The following TUT4 variants were observed in gnomAD, a reference collection of about 807,000 sequenced individuals.
TUT4 encodes the protein terminal uridylyltransferase 4.
In TUT4, 36 loss-of-function variants were observed where a neutral mutation model predicts 192.2. The observed-to-expected ratio is 0.19, with a 90% confidence interval of 0.14 to 0.25. The LOEUF (loss-of-function observed/expected upper bound fraction) is 0.25. Among genes scored for constraint, TUT4 ranks in the 10% least tolerant of loss-of-function variants. The pLI is 1.00. For synonymous variants in TUT4, 618 were observed against 666.0 expected (o/e 0.93, Z 1.11); for missense variants, 1,493 against 1,957.2 (o/e 0.76, Z 4.47).
intron 24 of TUT4, among the ~76,000 whole-genome samples, chr1:52,445,039 A>G (rs577080695): frequency 3.1e-4 from 46 of 149,970 alleles, no homozygotes; most frequent in Middle Eastern, 3.5e-3. Context: ...GTATATATAT[A>G]TGTGTGTGTG....
intron 14 of TUT4, 63 bp from the exon 15 acceptor site, chr1:52,468,330 T>C: frequency 7.7e-7 from 1 of 1,297,042 alleles, no homozygotes; most frequent in East Asian, 2.5e-5. Context: ...TCTGAAAACA[T>C]CTTCAAGTTT....
At chr1:52,497,855 T>C (rs1039706558) in intron 4 of TUT4, among the ~76,000 whole-genome samples, 1 of 152,228 alleles carries the variant, frequency 6.6e-6, no homozygotes, top group Non-Finnish European at 1.5e-5. Context: ...ATCTCCTTCA[T>C]TCTTTAACAC....
intron 1 of TUT4, among the ~76,000 whole-genome samples, chr1:52,542,275 T>C (rs1001155281): frequency 6.6e-6 from 1 of 152,202 alleles, no homozygotes; most frequent in African/African-American, 2.4e-5. Context: ...ATGGTGGTGA[T>C]AGTTGCACAA....
chr1:52,440,554 T>G (rs1224269652), intron 24 of TUT4, among the ~76,000 whole-genome samples: 1 of 151,934 alleles, frequency 6.6e-6, no homozygotes, highest in Non-Finnish European at 1.5e-5. Context: ...AAGGTCTTAA[T>G]TCACCCAAGA....
chr1:52,550,615 C>A (rs577584770), intron 1 of TUT4, among the ~76,000 whole-genome samples: 1 of 151,440 alleles, frequency 6.6e-6, no homozygotes, highest in Non-Finnish European at 1.5e-5. Context: ...AAACCTCCTA[C>A]CTCAGCTTCT....
chr1:52,474,111 G>T (rs965416057), intron 13 of TUT4, among the ~76,000 whole-genome samples: 1 of 152,214 alleles, frequency 6.6e-6, no homozygotes, highest in Non-Finnish European at 1.5e-5. Context: ...AGGAGGCTGA[G>T]GTGGGAGAAT....
chr1:52,426,598 A>G (rs948639215), intron 28 of TUT4, among the ~76,000 whole-genome samples: 1 of 152,198 alleles, frequency 6.6e-6, no homozygotes, highest in Non-Finnish European at 1.5e-5. Context: ...CATTCTTAGA[A>G]GCTGAATCTT....
chr1:52,435,936 A>T (rs1653633523), intron 26 of TUT4, among the ~76,000 whole-genome samples: 1 of 151,798 alleles, frequency 6.6e-6, no homozygotes, highest in Admixed American at 6.6e-5. Context: ...TCTCTCTCAC[A>T]CACACACAAA....
chr1:52,430,046 T>C (rs1407780914), intron 28 of TUT4, among the ~76,000 whole-genome samples: 2 of 152,182 alleles, frequency 1.3e-5, no homozygotes, highest in African/African-American at 4.8e-5. Context: ...AATGACTGAA[T>C]AGTAATACAC....
chr1:52,459,982 C>T (rs1662121310), intron 19 of TUT4, among the ~76,000 whole-genome samples: 1 of 152,032 alleles, frequency 6.6e-6, no homozygotes, highest in Admixed American at 6.6e-5. Flanking sequence ...GAGACTTCTT[C>T]CCTTGAGCAA....
At chr1:52,540,544 A>G (rs1232676241) in intron 1 of TUT4, among the ~76,000 whole-genome samples, 3 of 152,034 alleles carry the variant, frequency 2.0e-5, no homozygotes, top group Non-Finnish European at 2.9e-5. Context: ...AAGAAAGAAA[A>G]AAAAGACAAA....
chr1:52,453,688 A>G (rs1660085749), intron 20 of TUT4, among the ~76,000 whole-genome samples: 1 of 152,178 alleles, frequency 6.6e-6, no homozygotes, highest in African/African-American at 2.4e-5. Context: ...GTTCTCTTTC[A>G]CCACTCCTTT....
intron 2 of TUT4, among the ~76,000 whole-genome samples, chr1:52,517,052 C>G (rs1473029996): frequency 9.2e-5 from 14 of 152,232 alleles, no homozygotes; most frequent in Admixed American, 9.2e-4. Context: ...GTCTCAATAT[C>G]TTTACATATG....
At chr1:52,500,267 G>C (rs993498136) in intron 4 of TUT4, among the ~76,000 whole-genome samples, 1 of 152,158 alleles carries the variant, frequency 6.6e-6, no homozygotes, top group Non-Finnish European at 1.5e-5. Context: ...ACATGTAAAA[G>C]AATGAAGCTG....
rs140749537 is a variant in TUT4 at position 52,447,277 on chromosome 1, G to C, written c.3436-610C>G. Among the ~76,000 whole-genome samples the C allele has an allele frequency of 8.9e-3, 1,355 of 151,622 alleles. 23 individuals carry two copies. The highest frequency in any genetic ancestry group is 0.031 in the African/African-American group (1,286 of 41,100). On this transcript the variant is annotated intron_variant, in intron 20 of 29. Transcript: ENST00000257177. ...AGCCTGGCCAACATGGTGAAACCCA[G>C]TGTCTACTAAAGATACAAAAAATTA...
chr1:52,502,974 A>G (rs1040998955), intron 4 of TUT4, among the ~76,000 whole-genome samples: 12 of 152,152 alleles, frequency 7.9e-5, no homozygotes, highest in African/African-American at 2.4e-4. Flanking sequence ...ACTATCATTT[A>G]TTGAGTACCC....
At position 52,471,752 on chromosome 1, in the gene TUT4, T is replaced by C. The variant is rs553255830; in HGVS notation, c.2878+200A>G. ...TATTTTAAGCTCCTTAAAAGCAATA[T>C]ATATGGACTCTCAATTCCCCTTGGC... On this transcript the variant is annotated intron_variant, in intron 14 of 29. Coordinates refer to ENST00000257177, the MANE Select transcript of TUT4 (RefSeq NM_001009881.3). Among the ~76,000 whole-genome samples, 8 of 152,266 alleles carry C rather than the reference T, an allele frequency of 5.3e-5. No homozygotes were observed. In the South Asian group the frequency reaches 8.3e-4, roughly 16 times the overall value.
intron 4 of TUT4, among the ~76,000 whole-genome samples, chr1:52,503,960 G>C (rs1435663713): frequency 6.6e-6 from 1 of 152,164 alleles, no homozygotes; most frequent in East Asian, 1.9e-4. Flanking sequence ...TACCAAACCT[G>C]AATCTCCAAC....
intron 14 of TUT4, among the ~76,000 whole-genome samples, chr1:52,470,638 A>G (rs1388923093): frequency 6.6e-6 from 1 of 152,232 alleles, no homozygotes; most frequent in African/African-American, 2.4e-5. Flanking sequence ...GAGTGAAAAA[A>G]GCCAGACAAA....
Sources: allele counts gnomAD v4.1 joint callset (sites outside exome capture counted in the v4.1 genomes callset), GRCh38; gene constraint gnomAD v4.1.1; transcripts MANE v1.5; gene names NCBI Gene and HGNC (gene_info 2026-07-23, HGNC 2026-07-21).